TM2D3: variants seen among roughly 807,000 people sequenced by gnomAD.
TM2D3 encodes the protein TM2 domain containing 3, also known as TM2 domain-containing protein 3.
A neutral mutation model predicts 27.3 loss-of-function variants in TM2D3; 33 were observed. The observed-to-expected ratio is 1.21, with a 90% confidence interval of 0.92 to 1.61. The LOEUF (loss-of-function observed/expected upper bound fraction) is 1.61, where lower values mean the gene tolerates loss of function less well. TM2D3 is among the 40% of genes most tolerant of loss of function. The probability of loss-of-function intolerance (pLI) is 0.00; values close to 1 mark genes in which losing one functional copy is unlikely to be tolerated. For synonymous variants in TM2D3, 138 were observed against 122.2 expected (o/e 1.13, Z -0.85); for missense variants, 364 against 320.8 (o/e 1.13, Z -1.03).
chr15:101,650,217 G>C (rs907860673), intron 2 of TM2D3, 56 bp from the exon 3 acceptor site: 27 of 1,542,656 alleles, frequency 1.8e-5, no homozygotes, highest in Non-Finnish European at 2.3e-5. Flanking sequence ...GAATAACAGA[G>C]AACAATCTTC....
intron 3 of TM2D3, among the ~76,000 whole-genome samples, chr15:101,648,869 A>G (rs956633110): frequency 2.0e-5 from 3 of 152,244 alleles, no homozygotes; most frequent in Non-Finnish European, 4.4e-5. Context: ...ATGTATAATG[A>G]TATCTATAAC....
At chr15:101,635,755 C>A (rs1185061800) in intron 4 of TM2D3, 1 of 152,166 alleles carries the variant, frequency 6.6e-6, no homozygotes, top group African/African-American at 2.4e-5. Context: ...CACATAGGGG[C>A]TCAGTACTTT....
At position 101,642,437 on chromosome 15, in the gene TM2D3, G is replaced by A; in HGVS notation, c.*42C>T. The A allele has an allele frequency of 6.5e-7, 1 of 1,536,960 alleles. No individual in the cohort carries two copies. The highest frequency in any genetic ancestry group is 1.4e-5 in the African/African-American group (1 of 72,244). On this transcript the variant is annotated 3_prime_UTR_variant, in exon 6 of 6. Transcript: ENST00000333202. ...CACATCAACTCCTACGGACAAAAGG[G>A]CTTTTTCTAAGCCCTGCTCCTTTCT...
At chr15:101,645,775 AT>A (rs745601768) in intron 4 of TM2D3, 2 of 150,642 alleles carry the variant, frequency 1.3e-5, no homozygotes, top group Non-Finnish European at 3.0e-5. Flanking sequence ...CAGTAATTAT[AT>A]TTTTAAAGTT....
At chr15:101,643,624 C>CA (rs978182591) in intron 5 of TM2D3, among the ~76,000 whole-genome samples, 32,030 of 96,574 alleles carry the variant, frequency 0.33, 3,681 homozygotes, top group Non-Finnish European at 0.41. Flanking sequence ...AAAAAAAAAG[C>CA]AAAAAAAAAA....
At chr15:101,642,754 CG>C (rs1896701442) in intron 5 of TM2D3, 110 bp from the exon 6 acceptor site, 1 of 854,942 alleles carries the variant, frequency 1.2e-6, no homozygotes, top group Admixed American at 3.7e-5. Context: ...TTCCCCTGAT[CG>C]TAGCCCTTAA....
intron 3 of TM2D3, among the ~76,000 whole-genome samples, chr15:101,649,344 A>G (rs1896907081): frequency 6.6e-6 from 1 of 151,928 alleles, no homozygotes; most frequent in South Asian, 2.1e-4. Flanking sequence ...AATTTTTAGG[A>G]GTCAAATGTA....
At chr15:101,652,227 T>C (rs1897006287) in intron 1 of TM2D3, 44 bp downstream of exon 1, 1 of 1,553,156 alleles carries the variant, frequency 6.4e-7, no homozygotes, top group African/African-American at 1.4e-5. Context: ...GGGGCCCTGC[T>C]GCCACTCAGC....
chr15:101,650,015 C>T lies in TM2D3; in HGVS notation c.316G>A (p.Val106Ile). The T allele has an allele frequency of 6.2e-7, 1 of 1,613,806 alleles. No homozygotes were observed. The highest frequency in any genetic ancestry group is 1.1e-5 in the South Asian group (1 of 91,020). Residue 106 changes from valine (V) to isoleucine (I), a missense_variant, in exon 3 of 6, where the codon GTT (valine) becomes ATT (isoleucine). Coordinates refer to ENST00000333202, the MANE Select transcript of TM2D3 (RefSeq NM_078474.3). ...VTFDCAVKPSVTCVDQDFKSQ... is the reference protein window; with the variant it reads ...VTFDCAVKPSITCVDQDFKSQ... ...GCTGCAGTACTTACAACACAGGTAA[C>T]AGATGGTTTCACTGCACAGTCAAAA...
chr15:101,644,702 T>C (rs1191597886), intron 5 of TM2D3, among the ~76,000 whole-genome samples: 1 of 152,228 alleles, frequency 6.6e-6, no homozygotes, highest in African/African-American at 2.4e-5. Context: ...AAATTATAGG[T>C]AATTTTTAAT....
intron 4 of TM2D3, chr15:101,633,784 A>G (rs2141354325): frequency 1.4e-6 from 2 of 1,407,716 alleles, no homozygotes; most frequent in East Asian, 5.0e-5. Flanking sequence ...CTTATGACAT[A>G]ATATCCAACA....
chr15:101,639,400 T>A (rs1896619521), downstream of TM2D3, among the ~76,000 whole-genome samples: 1 of 151,864 alleles, frequency 6.6e-6, no homozygotes, highest in Admixed American at 6.6e-5. Flanking sequence ...TTCCTTTTTA[T>A]GCATATTCTA....
At chr15:101,645,694 G>C (rs1316752758) in intron 4 of TM2D3, 1 of 151,740 alleles carries the variant, frequency 6.6e-6, no homozygotes, top group African/African-American at 2.4e-5. Flanking sequence ...GTAGCAAATT[G>C]TCTTTATTAA....
rs768556490 is a variant in TM2D3, at chr15:101,650,011, G to A, written c.320C>T (p.Thr107Ile). Residue 107 changes from threonine to isoleucine, a missense_variant, in exon 3 of 6, where the codon ACC becomes ATC. Coordinates refer to ENST00000333202, the MANE Select transcript of TM2D3 (RefSeq NM_078474.3). Reference protein sequence around the residue: ...TFDCAVKPSVTCVDQDFKSQK... With the variant: ...TFDCAVKPSVICVDQDFKSQK... The stretch of plus-strand genomic sequence containing the variant: ...GTAAGCTGCAGTACTTACAACACAG[G>A]TAACAGATGGTTTCACTGCACAGTC... The A allele has an allele frequency of 6.2e-6, 10 of 1,613,524 alleles. No individual in the cohort carries two copies. The South Asian group carries it at 9.9e-5, about 16-fold the overall frequency.
intron 1 of TM2D3, chr15:101,651,974 G>A (rs1171029718): frequency 9.9e-6 from 6 of 604,518 alleles, no homozygotes; most frequent in Middle Eastern, 3.1e-4. Flanking sequence ...GGCAACGAGG[G>A]ACCGAAGGAT....
At chr15:101,650,420 C>CAT in intron 2 of TM2D3, 1 of 333,194 alleles carries the variant, frequency 3.0e-6, no homozygotes, top group East Asian at 4.8e-5. Context: ...TAAAGGTGCT[C>CAT]ATATACAAAT....
chr15:101,639,644 G>T (rs996394348), downstream of TM2D3, among the ~76,000 whole-genome samples: 1 of 152,068 alleles, frequency 6.6e-6, no homozygotes. Context: ...TTAAAATCTT[G>T]AAGCATAAGA....
chr15:101,643,551 G>A (rs1268321823), intron 5 of TM2D3, among the ~76,000 whole-genome samples: 1 of 135,860 alleles, frequency 7.4e-6, no homozygotes. Flanking sequence ...GCAGTAAGCC[G>A]AGATTGAGCC....
At chr15:101,642,820 G>A (rs1053703304) in intron 5 of TM2D3, among the ~76,000 whole-genome samples, 176 bp from the exon 6 acceptor site, 1 of 152,196 alleles carries the variant, frequency 6.6e-6, no homozygotes, top group African/African-American at 2.4e-5. Context: ...TTACGGGCAG[G>A]AAGACAGTTT....
Sources: gnomAD v4.1 joint callset for allele counts (sites outside exome capture counted in the v4.1 genomes callset) on GRCh38, gnomAD v4.1.1 for gene constraint, MANE v1.5 for transcripts, NCBI Gene and HGNC (gene_info 2026-07-23, HGNC 2026-07-21) for gene names.